The following TG variants were observed in gnomAD, a reference collection of about 807,000 sequenced individuals.
TG encodes thyroid hormones.
Under a neutral mutation model 324.7 loss-of-function variants are expected in TG, and 270 were observed. That is an observed-to-expected ratio of 0.83 (90% CI 0.75 to 0.92). The LOEUF (loss-of-function observed/expected upper bound fraction) is 0.92, where lower values mean the gene tolerates loss of function less well. Among genes scored for constraint, TG ranks in the 40% least tolerant of loss-of-function variants. The pLI is 0.00. For missense variants in TG, 3,591 were observed against 3,456.4 expected, an observed-to-expected ratio of 1.04 and a Z score of -0.98; for synonymous variants, 1,401 against 1,327.0, an observed-to-expected ratio of 1.06 and a Z score of -1.21.
intron 4 of TG, among the ~76,000 whole-genome samples, chr8:132,872,575 C>A (rs1162614433): frequency 6.6e-6 from 1 of 151,414 alleles, no homozygotes; most frequent in Non-Finnish European, 1.5e-5. Flanking sequence ...AGCCTCAGTG[C>A]ATAGTGTTGA....
intron 39 of TG, among the ~76,000 whole-genome samples, chr8:133,020,865 C>T (rs1835496581): frequency 6.6e-6 from 1 of 152,174 alleles, no homozygotes; most frequent in South Asian, 2.1e-4. Flanking sequence ...GGCAGGTCCT[C>T]AGGCAGTGTT....
chr8:133,055,346 GACACACAC>G (rs150473065), intron 41 of TG, among the ~76,000 whole-genome samples: 5,422 of 144,654 alleles, frequency 0.037, 148 homozygotes, highest in Non-Finnish European at 0.057. Flanking sequence ...TCATCTTCAG[GACACACAC>G]ACGCACGCGC....
intron 41 of TG, among the ~76,000 whole-genome samples, chr8:133,062,795 A>G (rs1842560509): frequency 6.6e-6 from 1 of 152,078 alleles, no homozygotes; most frequent in South Asian, 2.1e-4. Context: ...TATGACATGC[A>G]GAGGCTGCTT....
In TG at chr8:132,972,887, A is replaced by C. The variant is rs1387114318; in HGVS notation, c.6199+146A>C. 1.3e-5 allele frequency: 15 copies of C among 1,132,838 alleles called. No individual in the cohort carries two copies. The East Asian group carries it at 3.4e-4, about 26-fold the overall frequency. The allele number at this position is 1,132,838 out of a possible 1,614,324, so 70.2% of individuals were successfully genotyped here. On this transcript the variant is annotated intron_variant, in intron 34 of 47. Transcript: ENST00000220616. Reference sequence around the variant, plus strand: ...ACAGAAATAGATTCTGTTTAACTTAAGCAGACAAGAAACTTATTGAAAGTT... The same window carrying C: ...ACAGAAATAGATTCTGTTTAACTTACGCAGACAAGAAACTTATTGAAAGTT...
At chr8:133,074,906 G>A (rs751128736) in intron 41 of TG, 78 of 985,452 alleles carry the variant, frequency 7.9e-5, no homozygotes, top group Non-Finnish European at 9.0e-5. Flanking sequence ...GGATTGCTGG[G>A]TGCAGAGTCA....
chr8:132,978,791 A>G (rs1830479825), intron 34 of TG, among the ~76,000 whole-genome samples: 1 of 152,232 alleles, frequency 6.6e-6, no homozygotes, highest in Non-Finnish European at 1.5e-5. Context: ...TCAGAGGCAG[A>G]GACCTGCACA....
chr8:132,887,544 G>C lies in TG; in HGVS notation c.2172G>C (p.Lys724Asn). The change falls in exon 9 of 48, where the codon AAG (lysine) becomes AAC (asparagine). Residue 724 changes from lysine (K) to asparagine (N), a missense_variant. Physicochemically the swap from Lys to Asn is moderately conservative, Grantham distance 94 (BLOSUM62 0). Coordinates refer to ENST00000220616, the MANE Select transcript of TG (RefSeq NM_003235.5). ...CTCGAAGTGCAATAGGGAAGCCCAA[G>C]AAATGTAAGTCTGTTGGGTATTCAA... is the stretch of plus-strand genomic sequence containing the variant. ...PGTRSAIGKP[K>N]KCPTPCQLQS... 6.2e-7 allele frequency: 1 copy of C among 1,614,202 alleles called. No homozygotes were observed. Among genetic ancestry groups the C allele is most frequent in the Non-Finnish European group, 8.5e-7 (1 of 1,180,038 alleles).
rs1403853921 is a variant in TG, at chr8:133,095,196, T to A, written c.7392T>A (p.Asp2464Glu). The A allele has an allele frequency of 1.9e-6, 3 of 1,614,104 alleles. No homozygotes were observed. The highest frequency in any genetic ancestry group is 2.5e-6 in the Non-Finnish European group (3 of 1,180,038). ...AGAAGCCTGCCAATGTCCTCAATGATGCCCAGACCAAGGTGAGCACTTAAG... is the reference window on the plus strand; with the variant it reads ...AGAAGCCTGCCAATGTCCTCAATGAAGCCCAGACCAAGGTGAGCACTTAAG... ...LRQKPANVLN[D>E]AQTKLLAVSG... Residue 2464 changes from aspartate (D) to glutamate (E), a missense_variant, in exon 42 of 48, where the codon GAT becomes GAA. Asp to Glu is a conservative substitution (Grantham distance 45). Transcript: ENST00000220616.
chr8:133,080,359 C>T (rs1317801930), intron 41 of TG, among the ~76,000 whole-genome samples: 1 of 152,162 alleles, frequency 6.6e-6, no homozygotes, highest in African/African-American at 2.4e-5. Flanking sequence ...TAGGGCTTAA[C>T]ATAGTTGCCT....
At chr8:133,045,574 T>C (rs1300707919) in intron 41 of TG, among the ~76,000 whole-genome samples, 1 of 151,938 alleles carries the variant, frequency 6.6e-6, no homozygotes, top group African/African-American at 2.4e-5. Flanking sequence ...CTTTTATTTT[T>C]TGTAGAGGTG....
chr8:132,888,278 T>C lies in TG; in HGVS notation c.2471T>C (p.Leu824Pro). ...AACTTCAGTCTCTTTATTCAAAGTC[T>C]GTATGAGGCTGGCCAGCAAGATGTC... The part of the protein sequence containing the change: ...SGNFSLFIQS[L>P]YEAGQQDVFP... The change falls in exon 10 of 48, where the codon CTG (leucine) becomes CCG (proline). Residue 824 changes from leucine (L) to proline (P), a missense_variant. Coordinates refer to ENST00000220616, the MANE Select transcript of TG (RefSeq NM_003235.5). The C allele has an allele frequency of 6.2e-7, 1 of 1,614,222 alleles. No individual in the cohort carries two copies. Among genetic ancestry groups the C allele is most frequent in the African/African-American group, 1.3e-5 (1 of 75,058 alleles).
intron 14 of TG, among the ~76,000 whole-genome samples, chr8:132,899,360 T>A (rs1301503286): frequency 6.6e-6 from 1 of 152,220 alleles, no homozygotes; most frequent in Non-Finnish European, 1.5e-5. Context: ...AGCGAAGTAC[T>A]GATGTAGAGC....
intron 35 of TG, among the ~76,000 whole-genome samples, chr8:132,999,187 C>T (rs1032860930): frequency 2.6e-5 from 4 of 151,996 alleles, no homozygotes; most frequent in Admixed American, 1.3e-4. Context: ...GAGAGAAGGA[C>T]GAGCAGGAGT....
At chr8:133,106,371 C>T in intron 43 of TG, 1 of 984,386 alleles carries the variant, frequency 1.0e-6, no homozygotes, top group Non-Finnish European at 1.2e-6. Context: ...TGCAAGGACA[C>T]CCAGCCTGGC....
chr8:133,049,906 G>A, intron 41 of TG: 1 of 1,602,490 alleles, frequency 6.2e-7, no homozygotes, highest in Non-Finnish European at 8.6e-7. Flanking sequence ...ACTCACCCAT[G>A]GTAAACTCTG....
chr8:132,943,996 C>T (rs1014917147), intron 26 of TG, among the ~76,000 whole-genome samples: 1 of 152,186 alleles, frequency 6.6e-6, no homozygotes, highest in African/African-American at 2.4e-5. Context: ...GACCTCTCTG[C>T]AGAGGTCGAC....
chr8:132,967,135 AT>A (rs1828698156), intron 30 of TG, among the ~76,000 whole-genome samples: 3 of 146,526 alleles, frequency 2.0e-5, no homozygotes, highest in South Asian at 4.4e-4. Flanking sequence ...CCATCCATCC[AT>A]CCATCCATCC....
chr8:132,993,436 A>G (rs1832575013), intron 35 of TG, among the ~76,000 whole-genome samples: 1 of 152,212 alleles, frequency 6.6e-6, no homozygotes, highest in African/African-American at 2.4e-5. Context: ...AATAGAGATG[A>G]TTATACCACT....
chr8:133,098,074 G>T (rs767598482), intron 43 of TG, among the ~76,000 whole-genome samples: 1 of 152,042 alleles, frequency 6.6e-6, no homozygotes, highest in Non-Finnish European at 1.5e-5. Flanking sequence ...CATTTTTTCT[G>T]CCAAGCACTC....
Sources: gnomAD v4.1 joint callset for allele counts (sites outside exome capture counted in the v4.1 genomes callset) on GRCh38, gnomAD v4.1.1 for gene constraint, MANE v1.5 for transcripts, NCBI Gene and HGNC (gene_info 2026-07-23, HGNC 2026-07-21) for gene names.